Variants in BMP2K observed in about 807,000 individuals in gnomAD.
BMP2K encodes BMP-2-inducible protein kinase.
A neutral mutation model predicts 116.0 loss-of-function variants in BMP2K; 74 were observed. The observed-to-expected ratio is 0.64, with a 90% CI of 0.53 to 0.77. The LOEUF (loss-of-function observed/expected upper bound fraction) is 0.77, where lower values mean the gene tolerates loss of function less well. BMP2K is among the 30% of genes least tolerant of loss of function. The pLI is 0.00. For missense variants in BMP2K, 1,365 were observed against 1,403.6 expected, an observed-to-expected ratio of 0.97 and a Z score of 0.44; for synonymous variants, 486 against 502.5, an observed-to-expected ratio of 0.97 and a Z score of 0.44.
At chr4:78,831,787 T>C (rs1422527455) in intron 2 of BMP2K, among the ~76,000 whole-genome samples, 1 of 152,190 alleles carries the variant, frequency 6.6e-6, no homozygotes, top group Non-Finnish European at 1.5e-5. Context: ...GTTAAAAAAA[T>C]GTAGAATAAA....
At chr4:78,785,388 A>G (rs1727683148) in intron 1 of BMP2K, among the ~76,000 whole-genome samples, 1 of 152,218 alleles carries the variant, frequency 6.6e-6, no homozygotes, top group African/African-American at 2.4e-5. Flanking sequence ...CTGGGATTAC[A>G]GTCATGAGCC....
At chr4:78,777,679 A>G (rs1052415183) in intron 1 of BMP2K, among the ~76,000 whole-genome samples, 8 of 152,230 alleles carry the variant, frequency 5.3e-5, no homozygotes, top group African/African-American at 4.8e-5. Flanking sequence ...TTTAAGTTCT[A>G]TGGTTAAGAT....
At chr4:78,864,154 A>G (rs1046327761) in intron 9 of BMP2K, among the ~76,000 whole-genome samples, 6 of 152,102 alleles carry the variant, frequency 3.9e-5, no homozygotes, top group Non-Finnish European at 5.9e-5. Context: ...TGCTATGCCT[A>G]CGTGTGTTGT....
chr4:78,780,903 G>A (rs1366509942), intron 1 of BMP2K, among the ~76,000 whole-genome samples: 3 of 152,174 alleles, frequency 2.0e-5, no homozygotes, highest in Non-Finnish European at 2.9e-5. Flanking sequence ...TTAGACTGGG[G>A]GGTCAAGGAA....
At position 78,912,920 on chromosome 4, in the gene BMP2K, A is replaced by G. The variant is rs1447199628; in HGVS notation, c.*887A>G. ...CACTTTATGCATGGCTTCTTGCCCCAAACTTTTATTGTGATGGCCCTAATA... is the reference window on the plus strand; with the variant it reads ...CACTTTATGCATGGCTTCTTGCCCCGAACTTTTATTGTGATGGCCCTAATA... On this transcript the variant is annotated 3_prime_UTR_variant, in exon 16 of 16. Transcript: ENST00000502613. 10 of 152,186 alleles carry G rather than the reference A, an allele frequency of 6.6e-5. No homozygotes were observed. Among genetic ancestry groups the G allele is most frequent in the African/African-American group, 1.7e-4 (7 of 41,442 alleles). The allele number at this position is 152,186 out of a possible 1,614,324, so 9.4% of individuals were successfully genotyped here.
intron 1 of BMP2K, among the ~76,000 whole-genome samples, chr4:78,800,844 G>A (rs1240359677): frequency 1.3e-5 from 2 of 152,078 alleles, no homozygotes; most frequent in Non-Finnish European, 2.9e-5. Flanking sequence ...CATTTATTAA[G>A]TATCAAATGT....
At chr4:78,876,578 C>G (rs1214771662) in intron 13 of BMP2K, among the ~76,000 whole-genome samples, 6 of 152,114 alleles carry the variant, frequency 3.9e-5, no homozygotes, top group Non-Finnish European at 8.8e-5. Flanking sequence ...CTTTTCTCTT[C>G]TAAGACCTGT....
chr4:78,835,627 CAA>C (rs561192085), intron 3 of BMP2K, among the ~76,000 whole-genome samples: 11,665 of 68,850 alleles, frequency 0.17, 744 homozygotes, highest in East Asian at 0.32. Flanking sequence ...GACTCCGTGT[CAA>C]AAAAAAAAAA....
chr4:78,883,139 G>A, intron 14 of BMP2K, among the ~76,000 whole-genome samples: 1 of 151,980 alleles, frequency 6.6e-6, no homozygotes, highest in Non-Finnish European at 1.5e-5. Context: ...AAAAGATACT[G>A]TCTTTATTCA....
At chr4:78,858,538 A>G (rs942349992) in intron 7 of BMP2K, among the ~76,000 whole-genome samples, 2 of 151,944 alleles carry the variant, frequency 1.3e-5, no homozygotes, top group Non-Finnish European at 2.9e-5. Flanking sequence ...AACTTTCCAC[A>G]TAACTGTGTT....
At chr4:78,839,867 A>C (rs1173572134) in intron 3 of BMP2K, among the ~76,000 whole-genome samples, 1 of 152,080 alleles carries the variant, frequency 6.6e-6, no homozygotes. Flanking sequence ...GCAGCTGATT[A>C]GATTGTGCCC....
rs762513172 is a variant in BMP2K, at chr4:78,840,438, C to T, written c.404-1947C>T. Among the ~76,000 whole-genome samples, 5 of 152,130 alleles carry T rather than the reference C, an allele frequency of 3.3e-5. No homozygotes were observed. The East Asian group carries it at 5.8e-4, about 18-fold the overall frequency. ...TTGTCCCTCCCTCTGTGCTCTCAGGCGATAGATGATTGGCTGTTTCTTTAC... is the reference window on the plus strand; with the variant it reads ...TTGTCCCTCCCTCTGTGCTCTCAGGTGATAGATGATTGGCTGTTTCTTTAC... On this transcript the variant is annotated intron_variant, in intron 3 of 15. Transcript: ENST00000502613.
At position 78,878,802 on chromosome 4, in the gene BMP2K, T is replaced by C; in HGVS notation, c.1862T>C (p.Met621Thr). Residue 621 changes from methionine to threonine, a missense_variant, in exon 14 of 16, where the codon ATG (methionine) becomes ACG (threonine). Around this residue, in one of 3 missense-constraint regions of BMP2K, gnomAD observed 762 missense variants for 756.7 expected, o/e 1.01. Coordinates refer to ENST00000502613, the MANE Select transcript of BMP2K (RefSeq NM_198892.2). ...AAGAACATCAGCAATCCACCTGATA[T>C]GTCAGGGTGGAATCCTTTTGGAGAG... is the stretch of plus-strand genomic sequence containing the variant. ...NQKNISNPPD[M>T]SGWNPFGEDN... 2 of 1,613,370 alleles carry C rather than the reference T, an allele frequency of 1.2e-6. No individual in the cohort carries two copies. Among genetic ancestry groups the C allele is most frequent in the East Asian group, 2.2e-5 (1 of 44,788 alleles).
chr4:78,912,064 C>G lies in BMP2K; in HGVS notation c.*31C>G, dbSNP rs1334458761. The stretch of plus-strand genomic sequence containing the variant: ...TCTGATGGATTCTCGGCATTAACTC[C>G]TGTTTCAAAAAAGTGTGAACAGTTT... On this transcript the variant is annotated 3_prime_UTR_variant, in exon 16 of 16. Transcript: ENST00000502613. 8 of 1,535,914 alleles carry G rather than the reference C, an allele frequency of 5.2e-6. No homozygotes were observed. The highest frequency in any genetic ancestry group is 7.0e-6 in the Non-Finnish European group (8 of 1,137,426).
At chr4:78,898,755 T>C (rs1292175701) in intron 15 of BMP2K, 1 of 151,670 alleles carries the variant, frequency 6.6e-6, no homozygotes, top group East Asian at 1.9e-4. Flanking sequence ...ATGTATTGAA[T>C]CACTTGGACA....
rs112302359 is a variant in BMP2K at position 78,801,344 on chromosome 4, C to CTGTGTG, written c.178+24657_179-24654dup. On this transcript the variant is annotated intron_variant, in intron 1 of 15. Transcript: ENST00000502613. ...TTTATTGCCTGGATGGTTGAAGTAGCTGTGTGTGTGTGTGTGTGTGTGTGT... is the reference window on the plus strand; with the variant it reads ...TTTATTGCCTGGATGGTTGAAGTAGCTGTGTGTGTGTGTGTGTGTGTGTGTGTGTGT... Among the ~76,000 whole-genome samples the CTGTGTG allele has an allele frequency of 7.2e-3, 1,031 of 143,286 alleles. 8 individuals are homozygous for CTGTGTG. Among genetic ancestry groups the CTGTGTG allele is most frequent in the South Asian group, 0.011 (45 of 4,246 alleles). The allele number at this position is 143,286 out of a possible 152,430, so 94.0% of individuals were successfully genotyped here. A position where few individuals can be genotyped will look rare whatever the true frequency, so the allele number is the denominator to read the frequency against.
At chr4:78,871,149 A>T in intron 11 of BMP2K, 89 bp downstream of exon 11, 1 of 1,546,834 alleles carries the variant, frequency 6.5e-7, no homozygotes, top group East Asian at 2.2e-5. Context: ...TATCATGGGC[A>T]CCTTGAACTC....
At chr4:78,867,858 G>A (rs1223509497) in intron 10 of BMP2K, among the ~76,000 whole-genome samples, 1 of 152,128 alleles carries the variant, frequency 6.6e-6, no homozygotes, top group Non-Finnish European at 1.5e-5. Context: ...CCAGGAGTTC[G>A]AGACCAGCCT....
chr4:78,905,380 C>T (rs1734234297), intron 15 of BMP2K, among the ~76,000 whole-genome samples: 1 of 151,672 alleles, frequency 6.6e-6, no homozygotes, highest in African/African-American at 2.4e-5. Context: ...TATCATTCTA[C>T]CATATTTAGT....
Sources: allele counts gnomAD v4.1 joint callset (sites outside exome capture counted in the v4.1 genomes callset), GRCh38; gene constraint gnomAD v4.1.1; regional missense constraint gnomAD v4.1.1; transcripts MANE v1.5; gene names NCBI Gene and HGNC (gene_info 2026-07-23, HGNC 2026-07-21).